P4HB: variants seen among roughly 807,000 people sequenced by gnomAD.
P4HB encodes prolyl 4-hydroxylase subunit beta.
P4HB carries 20 observed loss-of-function variants against 52.6 expected under a neutral mutation model. That is an observed-to-expected ratio of 0.38 (90% CI 0.27 to 0.55). The LOEUF is 0.55. P4HB is among the 20% of genes least tolerant of loss of function. The pLI is 0.74. For missense variants in P4HB, 601 were observed against 669.2 expected, an observed-to-expected ratio of 0.90 and a Z score of 1.12; for synonymous variants, 296 against 277.9, an observed-to-expected ratio of 1.07 and a Z score of -0.65.
At chr17:81,849,080 G>T (rs1412993097) in intron 4 of P4HB, among the ~76,000 whole-genome samples, 1 of 151,642 alleles carries the variant, frequency 6.6e-6, no homozygotes, top group Non-Finnish European at 1.5e-5. Context: ...ACAAAAATCA[G>T]TTGGGTATGG....
Position 81,846,965 on chromosome 17 carries a change from G to T in P4HB, c.837C>A (p.Ala279=). The T allele has an allele frequency of 6.2e-7, 1 of 1,613,984 alleles. No individual in the cohort carries two copies. The highest frequency in any genetic ancestry group is 8.5e-7 in the Non-Finnish European group (1 of 1,180,028). The change falls in exon 6 of 11, where the codon GCC becomes GCA. Residue 279 remains alanine, a synonymous_variant. Coordinates refer to ENST00000331483, the MANE Select transcript of P4HB (RefSeq NM_000918.4). This position sits in a 1 kb window ranked among gnomAD's most constrained non-coding sequence, Gnocchi z 5.7. The stretch of plus-strand genomic sequence containing the variant: ...AGCTCACCTTGCCCTTGAAGCTCTC[G>T]GCTGCTGTTTTGAAGTTGCTCAGTT... ...DGKLSNFKTA[A]ESFKGKILFI...
chr17:81,843,727 A>T lies in P4HB; in HGVS notation c.*285T>A, dbSNP rs1662517575. ...CGAGACTCCGAACACGGTAGCAAGC[A>T]CTCTGGACAGACTCATGTATGAAAA... is the stretch of plus-strand genomic sequence containing the variant. On this transcript the variant is annotated 3_prime_UTR_variant, in exon 11 of 11. Coordinates refer to ENST00000331483, the MANE Select transcript of P4HB (RefSeq NM_000918.4). 2 of 555,944 alleles carry T rather than the reference A, an allele frequency of 3.6e-6. No individual in the cohort carries two copies. Among genetic ancestry groups the T allele is most frequent in the East Asian group, 5.8e-5 (2 of 34,294 alleles). 34.4% of individuals were successfully genotyped at this position (555,944 alleles called of 1,614,324 possible). A position where few individuals can be genotyped will look rare whatever the true frequency, so the allele number is the denominator to read the frequency against.
chr17:81,844,053 C>G lies in P4HB; in HGVS notation c.1486G>C (p.Glu496Gln). 6.2e-7 allele frequency: 1 copy of G among 1,613,864 alleles called. No individual in the cohort carries two copies. The highest frequency in any genetic ancestry group is 8.5e-7 in the Non-Finnish European group (1 of 1,179,756). ...ACAGCTTTCTGATCATCGTCTTCCT[C>G]CATGTCTGGCTCCTCTGCTTCTTCC... ...DLEEAEEPDMEEDDDQKAVKD... is the reference protein window; with the variant it reads ...DLEEAEEPDMQEDDDQKAVKD... Residue 496 changes from glutamate to glutamine, a missense_variant, in exon 11 of 11, where the codon GAG becomes CAG. Glu to Gln is a conservative substitution (Grantham distance 29). Coordinates refer to ENST00000331483, the MANE Select transcript of P4HB (RefSeq NM_000918.4).
At position 81,843,925 on chromosome 17, in the gene P4HB, C is replaced by T. The variant is rs1395566157; in HGVS notation, c.*87G>A. 6 of 985,218 alleles carry T rather than the reference C, an allele frequency of 6.1e-6. No homozygotes were observed. Among genetic ancestry groups the T allele is most frequent in the East Asian group, 2.4e-5 (1 of 41,970 alleles). The allele number at this position is 985,218 out of a possible 1,614,324, so 61.0% of individuals were successfully genotyped here. On this transcript the variant is annotated 3_prime_UTR_variant, in exon 11 of 11. Coordinates refer to ENST00000331483, the MANE Select transcript of P4HB (RefSeq NM_000918.4). ...GTTTCCGGCGACGCCCTCCTTCAAG[C>T]GAGGCCGCAGGCTTCGGAGGCGTGC...
In P4HB at chr17:81,855,220, T is replaced by A; in HGVS notation, c.546A>T (p.Ile182=). 1 of 1,613,934 alleles carries A rather than the reference T, an allele frequency of 6.2e-7. No homozygotes were observed. Among genetic ancestry groups the A allele is most frequent in the South Asian group, 1.1e-5 (1 of 91,086 alleles). ...FLQAAEAIDD[I]PFGITSNSDV... The stretch of plus-strand genomic sequence containing the variant: ...CACTGTTGGAAGTGATCCCAAATGG[T>A]ATGTCATCGATGGCCTCTGCTGCCT... Residue 182 remains isoleucine (I), a synonymous_variant, in exon 4 of 11, where the codon ATA becomes ATT. Transcript: ENST00000331483. The surrounding 1 kb of genome is among the most constrained non-coding windows in gnomAD (Gnocchi z 4.3).
intron 5 of P4HB, 32 bp from the exon 6 acceptor site, chr17:81,847,104 G>A (rs1567836747): frequency 2.5e-6 from 4 of 1,613,606 alleles, no homozygotes; most frequent in East Asian, 2.2e-5. Context: ...CTGGGTCTGA[G>A]TCACACACTA....
chr17:81,848,424 T>C (rs1432287756), intron 4 of P4HB, among the ~76,000 whole-genome samples: 1 of 152,194 alleles, frequency 6.6e-6, no homozygotes, highest in African/African-American at 2.4e-5. Context: ...TATGATAACA[T>C]GTAATGGGAT....
In P4HB at chr17:81,843,194, G is replaced by A; in HGVS notation, c.*818C>T. The A allele has an allele frequency of 3.5e-6, 1 of 284,288 alleles. No homozygotes were observed. Among genetic ancestry groups the A allele is most frequent in the Non-Finnish European group, 6.5e-6 (1 of 154,032 alleles). The allele number at this position is 284,288 out of a possible 1,614,324, so 17.6% of individuals were successfully genotyped here. A position where few individuals can be genotyped will look rare whatever the true frequency, so the allele number is the denominator to read the frequency against. On this transcript the variant is annotated 3_prime_UTR_variant, in exon 11 of 11. Transcript: ENST00000331483. The stretch of plus-strand genomic sequence containing the variant: ...AATTTCAACTTTATTTGGCCAATGT[G>A]TTCAATTCGATTGTGAAATAGAAAT...
rs1002252416 is a variant in P4HB, at chr17:81,843,424, C to A, written c.*588G>T. The A allele has an allele frequency of 5.0e-6, 2 of 398,912 alleles. No individual in the cohort carries two copies. The highest frequency in any genetic ancestry group is 4.1e-5 in the African/African-American group (2 of 48,620). The allele number at this position is 398,912 out of a possible 1,614,324, so 24.7% of individuals were successfully genotyped here. On this transcript the variant is annotated 3_prime_UTR_variant, in exon 11 of 11. Transcript: ENST00000331483. ...GGCCTGTGCCGGGCCCCAGGGCTGG[C>A]AGCCACCAGCTCCTCTTCCAGGCAT...
chr17:81,845,635 C>T lies in P4HB; in HGVS notation c.1285G>A (p.Ala429Thr). Residue 429 changes from alanine to threonine, a missense_variant, in exon 9 of 11, where the codon GCC becomes ACC. By Grantham distance (58) the Ala-to-Thr change is moderately conservative. Transcript: ENST00000331483. Reference protein sequence around the residue: ...NIVIAKMDSTANEVEAVKVHS... With the variant: ...NIVIAKMDSTTNEVEAVKVHS... ...ACTTTGACGGCCTCCACCTCGTTGG[C>T]AGTCGAGTCCATCTTGGCGATGACG... 1.2e-6 allele frequency: 2 copies of T among 1,613,534 alleles called. No individual in the cohort carries two copies. Among genetic ancestry groups the T allele is most frequent in the Non-Finnish European group, 1.7e-6 (2 of 1,179,534 alleles).
intron 9 of P4HB, 86 bp downstream of exon 9, chr17:81,845,475 C>A (rs2038719468): frequency 3.7e-6 from 5 of 1,335,452 alleles, no homozygotes; most frequent in East Asian, 4.9e-5. Flanking sequence ...TAGCCCCAGG[C>A]TCCTTCCAGA....
chr17:81,859,138 G>A, intron 2 of P4HB, 43 bp downstream of exon 2: 1 of 1,581,078 alleles, frequency 6.3e-7, no homozygotes, highest in Non-Finnish European at 8.7e-7. Flanking sequence ...CGGCAGGCCA[G>A]TCCCTCTCTA....
chr17:81,847,186 G>A, intron 5 of P4HB, 57 bp downstream of exon 5: 1 of 1,601,226 alleles, frequency 6.2e-7, no homozygotes, highest in Admixed American at 1.7e-5. Flanking sequence ...GGAGCCTCAT[G>A]CCACCCCCAA....
chr17:81,860,298 C>T, intron 1 of P4HB, 29 bp downstream of exon 1: 1 of 1,409,394 alleles, frequency 7.1e-7, no homozygotes, highest in Non-Finnish European at 9.3e-7. Flanking sequence ...GGCCCCGAGC[C>T]CCGCCCGCCC....
Position 81,845,574 on chromosome 17 carries a change from C to A in P4HB, c.1346G>T (p.Ser449Ile). ...SFPTLKFFPA[S>I]ADRTVIDYNG... ...GGGAAGGCGCACCGTCCTGTCGGCA[C>A]TGGCAGGAAAGAACTTGAGTGTGGG... The change falls in exon 9 of 11, where the codon AGT becomes ATT. Residue 449 changes from serine (S) to isoleucine (I), a missense_variant. Coordinates refer to ENST00000331483, the MANE Select transcript of P4HB (RefSeq NM_000918.4). The A allele has an allele frequency of 6.2e-7, 1 of 1,603,798 alleles. No homozygotes were observed. The highest frequency in any genetic ancestry group is 8.5e-7 in the Non-Finnish European group (1 of 1,172,394).
At chr17:81,849,477 A>G (rs1284738872) in intron 4 of P4HB, among the ~76,000 whole-genome samples, 2 of 152,216 alleles carry the variant, frequency 1.3e-5, no homozygotes, top group African/African-American at 4.8e-5. Flanking sequence ...GCCTGGCAAC[A>G]GAGCAAGACT....
At chr17:81,854,919 T>G (rs2143351822) in intron 4 of P4HB, among the ~76,000 whole-genome samples, 1 of 150,034 alleles carries the variant, frequency 6.7e-6, no homozygotes, top group South Asian at 2.1e-4. Flanking sequence ...CAAAAGCAGT[T>G]CTGAGGCGGC....
At chr17:81,848,509 G>T (rs565095932) in intron 4 of P4HB, among the ~76,000 whole-genome samples, 1 of 152,266 alleles carries the variant, frequency 6.6e-6, no homozygotes, top group Non-Finnish European at 1.5e-5. Flanking sequence ...GCCAAGATGG[G>T]TGGATCGCTT....
At chr17:81,851,948 T>G (rs1269332947) in intron 4 of P4HB, among the ~76,000 whole-genome samples, 1 of 152,218 alleles carries the variant, frequency 6.6e-6, no homozygotes, top group African/African-American at 2.4e-5. Context: ...TTTGGCAGGC[T>G]GAGGCAGGAG....
Sources: allele counts gnomAD v4.1 joint callset (sites outside exome capture counted in the v4.1 genomes callset), GRCh38; gene constraint gnomAD v4.1.1; non-coding constraint Gnocchi (gnomAD v3.1); transcripts MANE v1.5; gene names NCBI Gene and HGNC (gene_info 2026-07-23, HGNC 2026-07-21).